PIAS2: variants seen among roughly 807,000 people sequenced by gnomAD.
The protein encoded by PIAS2 is E3 SUMO-protein ligase PIAS2.
Under a neutral mutation model 69.7 loss-of-function variants are expected in PIAS2, and 19 were observed. The observed-to-expected ratio is 0.27, with a 90% confidence interval of 0.19 to 0.40. The LOEUF (loss-of-function observed/expected upper bound fraction) is 0.40. Ranked by LOEUF, PIAS2 falls within the 10% of genes least tolerant of loss-of-function variation. The pLI is 1.00. For synonymous variants in PIAS2, 261 were observed against 263.2 expected, an observed-to-expected ratio of 0.99 and a Z score of 0.08; for missense variants, 624 against 757.0, an observed-to-expected ratio of 0.82 and a Z score of 2.06.
Position 46,810,457 on chromosome 18 carries a change from T to G in PIAS2, c.*1976A>C, listed in dbSNP as rs2144683435. 1 of 152,226 alleles carries G rather than the reference T, an allele frequency of 6.6e-6. No individual in the cohort carries two copies. The highest frequency in any genetic ancestry group is 2.4e-5 in the African/African-American group (1 of 41,552). 9.4% of individuals were successfully genotyped at this position (152,226 alleles called of 1,614,324 possible). ...TGCATCTGTATTTAGAGCAGCAACA[T>G]AAAACTTTATTAGAAAGAAATACTA... On this transcript the variant is annotated 3_prime_UTR_variant, in exon 14 of 14. Transcript: ENST00000585916.
intron 1 of PIAS2, chr18:46,901,254 GA>G: frequency 2.4e-6 from 1 of 411,100 alleles, no homozygotes; most frequent in Non-Finnish European, 4.9e-6. Flanking sequence ...CCATCTCTAA[GA>G]AAAATACAAA....
intron 3 of PIAS2, among the ~76,000 whole-genome samples, chr18:46,858,771 T>C (rs2048218766): frequency 6.6e-6 from 1 of 151,992 alleles, no homozygotes; most frequent in Non-Finnish European, 1.5e-5. Flanking sequence ...TATTCACACA[T>C]AAAAAATGGT....
chr18:46,856,159 C>T (rs2047784226), intron 3 of PIAS2, among the ~76,000 whole-genome samples: 2 of 151,712 alleles, frequency 1.3e-5, no homozygotes, highest in Admixed American at 1.3e-4. Flanking sequence ...GCGCCCGCCA[C>T]CACGCCCGGC....
intron 11 of PIAS2, among the ~76,000 whole-genome samples, chr18:46,822,874 T>C (rs960131095): frequency 6.6e-6 from 1 of 152,100 alleles, no homozygotes; most frequent in Non-Finnish European, 1.5e-5. Flanking sequence ...TTTAAAAATG[T>C]TAACAGGCAG....
chr18:46,884,324 T>G, intron 2 of PIAS2, among the ~76,000 whole-genome samples: 1 of 152,006 alleles, frequency 6.6e-6, no homozygotes. Context: ...ATTTTTTATT[T>G]TTTTTTGAGA....
chr18:46,830,363 G>GA (rs2043429034), intron 9 of PIAS2, among the ~76,000 whole-genome samples: 1 of 151,914 alleles, frequency 6.6e-6, no homozygotes, highest in South Asian at 2.1e-4. Context: ...GTCCGTACCA[G>GA]AAAAACCTGA....
chr18:46,847,061 A>G (rs1405723597), intron 5 of PIAS2, among the ~76,000 whole-genome samples: 2 of 152,226 alleles, frequency 1.3e-5, no homozygotes, highest in Non-Finnish European at 2.9e-5. Context: ...TAGGAAAAAA[A>G]TCCATGTTCC....
At chr18:46,820,427 T>G (rs950253407) in intron 12 of PIAS2, among the ~76,000 whole-genome samples, 1 of 152,118 alleles carries the variant, frequency 6.6e-6, no homozygotes, top group Admixed American at 6.6e-5. Context: ...TTATCCCCCG[T>G]GGATAAGGGG....
intron 3 of PIAS2, 94 bp from the exon 4 acceptor site, chr18:46,855,709 T>C (rs1043775393): frequency 3.3e-6 from 3 of 905,140 alleles, no homozygotes; most frequent in Admixed American, 4.2e-5. Flanking sequence ...GCATTATTTG[T>C]ATTTTTCTTA....
At chr18:46,857,073 T>C (rs1053716016) in intron 3 of PIAS2, among the ~76,000 whole-genome samples, 2 of 152,372 alleles carry the variant, frequency 1.3e-5, no homozygotes, top group African/African-American at 4.8e-5. Flanking sequence ...AAATATAAGA[T>C]GTGCTCAACA....
chr18:46,895,633 T>C (rs2054736179), intron 1 of PIAS2, among the ~76,000 whole-genome samples: 1 of 152,178 alleles, frequency 6.6e-6, no homozygotes. Flanking sequence ...ATCACACTAC[T>C]GCACTCCAGC....
intron 1 of PIAS2, among the ~76,000 whole-genome samples, chr18:46,902,558 C>A (rs912722314): frequency 2.0e-5 from 3 of 151,112 alleles, no homozygotes; most frequent in Non-Finnish European, 2.9e-5. Flanking sequence ...AAAACTCTGT[C>A]TCAAAAAAAA....
intron 1 of PIAS2, among the ~76,000 whole-genome samples, chr18:46,904,994 AATAAAG>A (rs1452892344): frequency 6.6e-6 from 1 of 152,252 alleles, no homozygotes; most frequent in Non-Finnish European, 1.5e-5. Context: ...CTTAATAAAA[AATAAAG>A]ATATGAGATT....
At chr18:46,848,047 T>C (rs1440601674) in intron 5 of PIAS2, among the ~76,000 whole-genome samples, 4 of 152,138 alleles carry the variant, frequency 2.6e-5, no homozygotes, top group Non-Finnish European at 4.4e-5. Context: ...GGAAGCAAAA[T>C]GAATTAACAT....
intron 5 of PIAS2, among the ~76,000 whole-genome samples, chr18:46,852,286 G>A (rs1354502087): frequency 1.3e-5 from 2 of 152,184 alleles, no homozygotes; most frequent in Non-Finnish European, 2.9e-5. Flanking sequence ...ACTTTACGGA[G>A]CTAGGGTAAA....
chr18:46,907,479 A>C (rs2056761986), intron 1 of PIAS2: 1 of 152,238 alleles, frequency 6.6e-6, no homozygotes, highest in South Asian at 2.1e-4. Context: ...TACAGACAAC[A>C]ATAAGGATGA....
At chr18:46,912,405 C>G (rs1460527911) in intron 1 of PIAS2, among the ~76,000 whole-genome samples, 1 of 152,096 alleles carries the variant, frequency 6.6e-6, no homozygotes, top group African/African-American at 2.4e-5. Context: ...GAAATACTGA[C>G]AAGGAAAAAA....
chr18:46,858,378 A>T (rs2048154099), intron 3 of PIAS2, among the ~76,000 whole-genome samples: 1 of 152,196 alleles, frequency 6.6e-6, no homozygotes, highest in African/African-American at 2.4e-5. Context: ...TAATGGAAAG[A>T]TCTCATAATT....
intron 5 of PIAS2, among the ~76,000 whole-genome samples, chr18:46,850,174 A>G (rs1423483426): frequency 6.6e-6 from 1 of 152,190 alleles, no homozygotes; most frequent in African/African-American, 2.4e-5. Context: ...TTACCCATGA[A>G]CAATCTTTAC....
Sources: allele counts gnomAD v4.1 joint callset (sites outside exome capture counted in the v4.1 genomes callset), GRCh38; gene constraint gnomAD v4.1.1; transcripts MANE v1.5; gene names NCBI Gene and HGNC (gene_info 2026-07-23, HGNC 2026-07-21).